CWC22: variants seen among roughly 807,000 people sequenced by gnomAD.
The protein encoded by CWC22 is CWC22 spliceosome associated protein.
In CWC22, 53 loss-of-function variants were observed where a neutral mutation model predicts 117.2. The ratio of observed to expected loss-of-function variants is 0.45; its 90% confidence interval spans 0.36 to 0.57. The LOEUF (loss-of-function observed/expected upper bound fraction) is 0.57. Among genes scored for constraint, CWC22 ranks in the 20% least tolerant of loss-of-function variants. CWC22 has a pLI of 0.00. For missense variants in CWC22, 980 were observed against 1,068.8 expected (o/e 0.92, Z 1.16); for synonymous variants, 360 against 355.6 (o/e 1.01, Z -0.14).
chr2:179,954,161 C>A, intron 16 of CWC22, 44 bp downstream of exon 16: 5 of 1,465,274 alleles, frequency 3.4e-6, no homozygotes, highest in South Asian at 1.3e-5. Context: ...TATTTGAGAA[C>A]AGGGAATTAG....
intron 13 of CWC22, among the ~76,000 whole-genome samples, chr2:179,963,267 A>G (rs1209308130): frequency 1.3e-4 from 20 of 151,948 alleles, no homozygotes; most frequent in Non-Finnish European, 2.4e-4. Flanking sequence ...TCAAACCCAA[A>G]GAATATTCAC....
At chr2:179,975,940 A>G (rs1687143004) in intron 6 of CWC22, among the ~76,000 whole-genome samples, 1 of 152,238 alleles carries the variant, frequency 6.6e-6, no homozygotes, top group Non-Finnish European at 1.5e-5. Context: ...AAAACTCCAA[A>G]TAGCCACAGC....
At chr2:179,964,450 C>A in intron 13 of CWC22, 97 bp downstream of exon 13, 1 of 607,618 alleles carries the variant, frequency 1.6e-6, no homozygotes, top group South Asian at 2.3e-5. Context: ...AAATGGTGTC[C>A]AGTTTTCTGT....
At chr2:179,998,534 A>G (rs990916565) in intron 1 of CWC22, among the ~76,000 whole-genome samples, 30 of 152,142 alleles carry the variant, frequency 2.0e-4, no homozygotes, top group African/African-American at 6.0e-4. Flanking sequence ...CCAAAGCCAT[A>G]TATTTTGTCC....
chr2:179,975,873 A>C (rs1687141016), intron 6 of CWC22, among the ~76,000 whole-genome samples: 1 of 152,202 alleles, frequency 6.6e-6, no homozygotes, highest in Non-Finnish European at 1.5e-5. Flanking sequence ...TCAAAATTCC[A>C]GTTACGTTTT....
intron 4 of CWC22, among the ~76,000 whole-genome samples, chr2:179,982,538 A>G (rs1687310943): frequency 6.6e-6 from 1 of 152,216 alleles, no homozygotes; most frequent in Non-Finnish European, 1.5e-5. Context: ...GTTAATCTCC[A>G]ATAGTGGTTA....
intron 1 of CWC22, among the ~76,000 whole-genome samples, chr2:180,000,641 C>G (rs142591665): frequency 3.6e-4 from 55 of 152,264 alleles, no homozygotes; most frequent in African/African-American, 1.3e-3. Flanking sequence ...GACTCATAAC[C>G]ATTTGAATGA....
At chr2:179,980,848 TTTAAC>T (rs1156296553) in intron 5 of CWC22, among the ~76,000 whole-genome samples, 1 of 152,216 alleles carries the variant, frequency 6.6e-6, no homozygotes, top group Admixed American at 6.5e-5. Context: ...ATCCCAATCT[TTTAAC>T]TAGTTATCTG....
chr2:180,000,481 G>T (rs191876954), intron 1 of CWC22, among the ~76,000 whole-genome samples: 406 of 152,300 alleles, frequency 2.7e-3, no homozygotes, highest in African/African-American at 8.3e-3. Context: ...CAAAAGGGGG[G>T]ATTACTTAAT....
chr2:179,953,314 G>A (rs1686502403), intron 16 of CWC22, among the ~76,000 whole-genome samples: 1 of 152,056 alleles, frequency 6.6e-6, no homozygotes, highest in Non-Finnish European at 1.5e-5. Context: ...TTTTAAGTTT[G>A]AGATATTGCC....
Position 180,007,118 on chromosome 2 carries a change from T to C in CWC22, c.-365A>G, listed in dbSNP as rs954190058. ...TACACCGGACGTACGTCACTTCCTCTTCCCGAGCACCGACGGTAGGAAGAA... is the reference window on the plus strand; with the variant it reads ...TACACCGGACGTACGTCACTTCCTCCTCCCGAGCACCGACGGTAGGAAGAA... On this transcript the variant is annotated 5_prime_UTR_variant, in exon 1 of 20. Coordinates refer to ENST00000410053, the MANE Select transcript of CWC22 (RefSeq NM_020943.3). 4 of 152,204 alleles carry C rather than the reference T, an allele frequency of 2.6e-5. No homozygotes were observed. The highest frequency in any genetic ancestry group is 9.6e-5 in the African/African-American group (4 of 41,454). The allele number at this position is 152,204 out of a possible 1,614,324, so 9.4% of individuals were successfully genotyped here. A position where few individuals can be genotyped will look rare whatever the true frequency, so the allele number is the denominator to read the frequency against.
At chr2:179,955,488 A>G (rs1407393960) in intron 14 of CWC22, among the ~76,000 whole-genome samples, 1 of 152,006 alleles carries the variant, frequency 6.6e-6, no homozygotes, top group Non-Finnish European at 1.5e-5. Flanking sequence ...GCAGATCATT[A>G]TTAGTCTTTA....
In CWC22 at chr2:179,952,497, A is replaced by T. The variant is rs1686477081; in HGVS notation, c.1791T>A (p.Pro597=). The change falls in exon 17 of 20, where the codon CCT becomes CCA. Residue 597 remains proline, a synonymous_variant. Coordinates refer to ENST00000410053, the MANE Select transcript of CWC22 (RefSeq NM_020943.3). ...CATCCTTTAATCTTGCATTAAGTTT[A>T]GGAAGACCCATGTATTCACACAGTT... ...FQELCEYMGL[P]KLNARLKDET... 1 of 1,570,478 alleles carries T rather than the reference A, an allele frequency of 6.4e-7. No homozygotes were observed. Among genetic ancestry groups the T allele is most frequent in the Non-Finnish European group, 8.6e-7 (1 of 1,157,050 alleles).
At chr2:179,962,381 G>C (rs1201592630) in intron 13 of CWC22, among the ~76,000 whole-genome samples, 1 of 152,002 alleles carries the variant, frequency 6.6e-6, no homozygotes, top group Admixed American at 6.6e-5. Flanking sequence ...CTGATTTTTA[G>C]CCTGGCATAT....
chr2:179,945,542 A>C lies in CWC22; in HGVS notation c.2314T>G (p.Ser772Ala). 1.2e-6 allele frequency: 2 copies of C among 1,613,070 alleles called. No individual in the cohort carries two copies. The highest frequency in any genetic ancestry group is 1.7e-6 in the Non-Finnish European group (2 of 1,179,416). The change falls in exon 20 of 20, where the codon TCA becomes GCA. Residue 772 changes from serine to alanine, a missense_variant. Ser to Ala is a moderately conservative substitution (Grantham distance 99). Around this residue, in one of 3 missense-constraint regions of CWC22, gnomAD observed 306 missense variants for 296.8 expected, o/e 1.03. Transcript: ENST00000410053. ...GGATCTCTCCAATTTGAACCACTTGAATTTTGATCTCTGTGTTTTTCTGAC... is the reference window on the plus strand; with the variant it reads ...GGATCTCTCCAATTTGAACCACTTGCATTTTGATCTCTGTGTTTTTCTGAC... The part of the protein sequence containing the change: ...RRSEKHRDQN[S>A]SGSNWRDPIT...
chr2:179,946,466 G>GAAAC (rs1559282496), intron 19 of CWC22, among the ~76,000 whole-genome samples: 2 of 100,262 alleles, frequency 2.0e-5, no homozygotes, highest in Admixed American at 1.1e-4. Flanking sequence ...AAAAAAAAAG[G>GAAAC]GGGGGGGGGA....
At chr2:179,988,496 T>C in intron 3 of CWC22, 81 bp downstream of exon 3, 4 of 749,320 alleles carry the variant, frequency 5.3e-6, no homozygotes, top group Non-Finnish European at 4.4e-6. Context: ...CACCCTAAAA[T>C]TAGAAATCTA....
At chr2:179,948,123 T>C (rs1270913709) in intron 19 of CWC22, among the ~76,000 whole-genome samples, 1 of 152,200 alleles carries the variant, frequency 6.6e-6, no homozygotes, top group Admixed American at 6.5e-5. Flanking sequence ...AAATGCCAGA[T>C]ACAATTTTAA....
intron 14 of CWC22, among the ~76,000 whole-genome samples, chr2:179,958,502 A>G (rs1686660151): frequency 6.6e-6 from 1 of 152,124 alleles, no homozygotes; most frequent in Non-Finnish European, 1.5e-5. Flanking sequence ...GACAGCTTTG[A>G]ATGAGGCCCA....
Sources: allele counts gnomAD v4.1 joint callset (sites outside exome capture counted in the v4.1 genomes callset), GRCh38; gene constraint gnomAD v4.1.1; regional missense constraint gnomAD v4.1.1; transcripts MANE v1.5; gene names NCBI Gene and HGNC (gene_info 2026-07-23, HGNC 2026-07-21).